Variants in AGAP1 observed in about 807,000 individuals in gnomAD.
AGAP1 encodes the protein ArfGAP with GTPase domain, ankyrin repeat and PH domain 1.
In AGAP1, 29 loss-of-function variants were observed where a neutral mutation model predicts 105.3. That is an observed-to-expected ratio of 0.28 (90% CI 0.21 to 0.38). The LOEUF (loss-of-function observed/expected upper bound fraction) is 0.38. Among genes scored for constraint, AGAP1 ranks in the 10% least tolerant of loss-of-function variants. The probability of loss-of-function intolerance (pLI) is 1.00; values close to 1 mark genes in which losing one functional copy is unlikely to be tolerated. For synonymous variants in AGAP1, 509 were observed against 485.9 expected (o/e 1.05, Z -0.63); for missense variants, 998 against 1,165.1 (o/e 0.86, Z 2.09).
chr2:235,876,483 G>A (rs941924203), intron 9 of AGAP1, among the ~76,000 whole-genome samples: 10 of 152,100 alleles, frequency 6.6e-5, no homozygotes, highest in South Asian at 2.1e-4. Context: ...GCCACCCTCC[G>A]TCTCCCGGAC....
intron 2 of AGAP1, among the ~76,000 whole-genome samples, chr2:235,713,729 T>C (rs892600895): frequency 6.6e-6 from 1 of 152,214 alleles, no homozygotes; most frequent in Non-Finnish European, 1.5e-5. Flanking sequence ...CTGGCTCCTG[T>C]AACAAAATAT....
chr2:236,118,681 G>C (rs554232516), intron 16 of AGAP1, among the ~76,000 whole-genome samples: 1 of 152,060 alleles, frequency 6.6e-6, no homozygotes, highest in Non-Finnish European at 1.5e-5. Context: ...GAGCCACTGC[G>C]CCCAGCCTCT....
intron 9 of AGAP1, among the ~76,000 whole-genome samples, chr2:235,818,343 T>G (rs1958580925): frequency 6.6e-6 from 1 of 152,194 alleles, no homozygotes; most frequent in Admixed American, 6.5e-5. Flanking sequence ...AGAGCTGGGA[T>G]TCAAATCCAG....
At chr2:235,718,816 A>G (rs1951244620) in intron 3 of AGAP1, among the ~76,000 whole-genome samples, 1 of 152,202 alleles carries the variant, frequency 6.6e-6, no homozygotes, top group Non-Finnish European at 1.5e-5. Flanking sequence ...GGTCAATAGG[A>G]GAAAGCTTGC....
chr2:235,987,088 C>G (rs1005208083), intron 13 of AGAP1, among the ~76,000 whole-genome samples: 3 of 151,396 alleles, frequency 2.0e-5, no homozygotes, highest in Non-Finnish European at 1.5e-5. Context: ...AGCTGTGAAT[C>G]TGGTCCTGGG....
At position 235,750,057 on chromosome 2, in the gene AGAP1, C is replaced by A. The variant is rs1405886037; in HGVS notation, c.539-297C>A. 2.6e-5 allele frequency among the ~76,000 whole-genome samples: 4 copies of A among 152,148 alleles called. No homozygotes were observed. The highest frequency in any genetic ancestry group is 5.9e-5 in the Non-Finnish European group (4 of 68,032). On this transcript the variant is annotated intron_variant, in intron 5 of 17. Transcript: ENST00000304032. The surrounding 1 kb of genome is among the most constrained non-coding windows in gnomAD (Gnocchi z 5.3). ...ATAGGGACTGTGTGTGTGGTTTTTC[C>A]TCCTTTCTAAAGTATGTATCCTCTA...
At chr2:236,008,773 G>A (rs923218196) in intron 13 of AGAP1, among the ~76,000 whole-genome samples, 1 of 152,200 alleles carries the variant, frequency 6.6e-6, no homozygotes, top group African/African-American at 2.4e-5. Flanking sequence ...GTTGAAGGAA[G>A]CCACCAATGT....
At chr2:235,890,180 T>TA (rs1553664850) in intron 10 of AGAP1, among the ~76,000 whole-genome samples, 1 of 150,596 alleles carries the variant, frequency 6.6e-6, no homozygotes, top group Non-Finnish European at 1.5e-5. Flanking sequence ...TTTTTTTTTT[T>TA]AAGACAGTCT....
At chr2:235,784,428 G>T (rs1189359518) in intron 6 of AGAP1, among the ~76,000 whole-genome samples, 1 of 152,120 alleles carries the variant, frequency 6.6e-6, no homozygotes, top group African/African-American at 2.4e-5. Flanking sequence ...AGTATTCTCT[G>T]CTGAACTCTA....
chr2:235,524,416 C>T, intron 1 of AGAP1: 1 of 243,262 alleles, frequency 4.1e-6, no homozygotes, highest in Non-Finnish European at 9.2e-6. Flanking sequence ...TTTGCACAGC[C>T]TGACAGTGGG....
intron 9 of AGAP1, among the ~76,000 whole-genome samples, chr2:235,840,387 G>C (rs774042730): frequency 6.6e-6 from 1 of 152,250 alleles, no homozygotes; most frequent in Non-Finnish European, 1.5e-5. Flanking sequence ...AGACAAGGCT[G>C]TTCCTCTCCT....
At chr2:235,797,963 G>T in intron 7 of AGAP1, 77 bp downstream of exon 7, 4 of 1,517,464 alleles carry the variant, frequency 2.6e-6, no homozygotes, top group East Asian at 2.4e-5. Flanking sequence ...CCAATGCTAA[G>T]GTTGATTTTT....
At position 235,729,822 on chromosome 2, in the gene AGAP1, C is replaced by T. The variant is rs1028343515; in HGVS notation, c.311-11141C>T. ...TACAGCAGCGACTTGTCACCTCTTC[C>T]GTGTTGCTACTGCCTGAGAACAGAG... On this transcript the variant is annotated intron_variant, in intron 3 of 17. Coordinates refer to ENST00000304032, the MANE Select transcript of AGAP1 (RefSeq NM_001037131.3). This position sits in a 1 kb window ranked among gnomAD's most constrained non-coding sequence, Gnocchi z 5.0. Among the ~76,000 whole-genome samples, 1 of 152,110 alleles carries T rather than the reference C, an allele frequency of 6.6e-6. No homozygotes were observed. The highest frequency in any genetic ancestry group is 1.5e-5 in the Non-Finnish European group (1 of 68,028).
Position 235,717,180 on chromosome 2 carries a change from C to T in AGAP1, c.223-377C>T, listed in dbSNP as rs558340114. On this transcript the variant is annotated intron_variant, in intron 2 of 17. Coordinates refer to ENST00000304032, the MANE Select transcript of AGAP1 (RefSeq NM_001037131.3). Reference sequence around the variant, plus strand: ...CTCTCCCCACGTCACTCACCTCTGCCCTCGGGTGCCACCTCACCTGCTGCT... The same window carrying T: ...CTCTCCCCACGTCACTCACCTCTGCTCTCGGGTGCCACCTCACCTGCTGCT... 2.6e-5 allele frequency among the ~76,000 whole-genome samples: 4 copies of T among 152,310 alleles called. No individual in the cohort carries two copies. The South Asian group carries it at 6.2e-4, about 24-fold the overall frequency.
intron 16 of AGAP1, among the ~76,000 whole-genome samples, chr2:236,110,355 C>T (rs1026810951): frequency 6.6e-6 from 1 of 150,980 alleles, no homozygotes; most frequent in Non-Finnish European, 1.5e-5. Context: ...AGAGAAAGAC[C>T]CTGTCTCTAA....
In AGAP1 at chr2:235,882,407, C is replaced by A. The variant is rs2050071517; in HGVS notation, c.1051-938C>A. ...TCTGCCCAGTGGTCTCTTTGGTCGG[C>A]AGGGTGTTCTTCTCCTGCGTCTCCG... On this transcript the variant is annotated intron_variant, in intron 9 of 17. Transcript: ENST00000304032. The surrounding 1 kb of genome is among the most constrained non-coding windows in gnomAD (Gnocchi z 4.6). The A allele has an allele frequency of 1.3e-6, 2 of 1,581,928 alleles. No homozygotes were observed. The highest frequency in any genetic ancestry group is 1.7e-6 in the Non-Finnish European group (2 of 1,155,360).
chr2:235,510,746 C>A (rs1344077819), intron 1 of AGAP1, among the ~76,000 whole-genome samples: 5 of 152,070 alleles, frequency 3.3e-5, no homozygotes, highest in Non-Finnish European at 7.3e-5. Context: ...AGAGCATTTG[C>A]CCTCTGTGTC....
rs2057356400 is a variant in AGAP1, at chr2:236,035,604, A to G, written c.1646-957A>G. On this transcript the variant is annotated intron_variant, in intron 13 of 17. Transcript: ENST00000304032. The surrounding 1 kb of genome is among the most constrained non-coding windows in gnomAD (Gnocchi z 4.2). ...GCACCATGGCACTCCAGCTTGGACA[A>G]CAAAGTGGGACTCCATCTCAAAAAC... 6.6e-6 allele frequency among the ~76,000 whole-genome samples: 1 copy of G among 152,090 alleles called. No individual in the cohort carries two copies. The highest frequency in any genetic ancestry group is 2.4e-5 in the African/African-American group (1 of 41,346).
At chr2:235,748,250 A>G (rs13411022) in intron 5 of AGAP1, among the ~76,000 whole-genome samples, 3,277 of 152,252 alleles carry the variant, frequency 0.022, 107 homozygotes, top group African/African-American at 0.072. Flanking sequence ...GACAGAAACC[A>G]AGCGAGCATG....
Sources: gnomAD v4.1 joint callset for allele counts (sites outside exome capture counted in the v4.1 genomes callset) on GRCh38, gnomAD v4.1.1 for gene constraint, Gnocchi (gnomAD v3.1) non-coding constraint, MANE v1.5 for transcripts, NCBI Gene and HGNC (gene_info 2026-07-23, HGNC 2026-07-21) for gene names.